Variants in AQR observed in about 807,000 individuals in gnomAD.
The protein encoded by AQR is RNA helicase aquarius.
In AQR, 61 loss-of-function variants were observed where a neutral mutation model predicts 180.5. The ratio of observed to expected loss-of-function variants is 0.34; its 90% confidence interval spans 0.28 to 0.42. The LOEUF (loss-of-function observed/expected upper bound fraction) is 0.42, where lower values mean the gene tolerates loss of function less well. Among genes scored for constraint, AQR ranks in the 10% least tolerant of loss-of-function variants. The pLI is 1.00. For missense variants in AQR, 1,281 were observed against 1,798.3 expected, an observed-to-expected ratio of 0.71 and a Z score of 5.20; for synonymous variants, 551 against 588.8, an observed-to-expected ratio of 0.94 and a Z score of 0.93.
chr15:34,893,592 T>G, intron 23 of AQR, 71 bp downstream of exon 23: 2 of 1,310,118 alleles, frequency 1.5e-6, no homozygotes, highest in East Asian at 4.8e-5. Flanking sequence ...CATACCCATG[T>G]GCATGCGCAT....
chr15:34,887,755 T>A (rs1893084259), intron 24 of AQR, among the ~76,000 whole-genome samples: 1 of 152,218 alleles, frequency 6.6e-6, no homozygotes, highest in Admixed American at 6.5e-5. Flanking sequence ...CCTAGCTGTC[T>A]GTAGTTCAGA....
intron 9 of AQR, among the ~76,000 whole-genome samples, chr15:34,937,392 G>A (rs1418669053): frequency 6.6e-6 from 1 of 152,100 alleles, no homozygotes; most frequent in East Asian, 1.9e-4. Flanking sequence ...CTGATTTACT[G>A]CATTGGTATC....
rs918268987 is a variant in AQR at position 34,882,563 on chromosome 15, A to G, written c.3104T>C (p.Ile1035Thr). 2 of 1,613,316 alleles carry G rather than the reference A, an allele frequency of 1.2e-6. No individual in the cohort carries two copies. Among genetic ancestry groups the G allele is most frequent in the Non-Finnish European group, 1.7e-6 (2 of 1,179,666 alleles). The change falls in exon 27 of 35, where the codon ATT (isoleucine) becomes ACT (threonine). Residue 1035 changes from isoleucine (I) to threonine (T), a missense_variant. Ile to Thr is a moderately conservative substitution (Grantham distance 89). Coordinates refer to ENST00000156471, the MANE Select transcript of AQR (RefSeq NM_014691.3). ...KYLLVKEAKI[I>T]AMTCTHAALK... ...GGCAGCATGAGTACAGGTCATAGCA[A>G]TAATTTTGGCTTCTTTCACTAAAAG...
Position 34,852,002 on chromosome 15 carries a change from C to T in AQR, c.*4790G>A, listed in dbSNP as rs754703307. 5.3e-5 allele frequency: 8 copies of T among 152,078 alleles called. No homozygotes were observed. The highest frequency in any genetic ancestry group is 1.2e-4 in the African/African-American group (5 of 41,400). The allele number at this position is 152,078 out of a possible 1,614,324, so 9.4% of individuals were successfully genotyped here. A position where few individuals can be genotyped will look rare whatever the true frequency, so the allele number is the denominator to read the frequency against. On this transcript the variant is annotated 3_prime_UTR_variant, in exon 35 of 35. Transcript: ENST00000156471. ...ACATGACACTCAATAAATTACACTA[C>T]GACATTTTGTACAAATCACTTCACT...
rs200570664 is a variant in AQR at position 34,943,109 on chromosome 15, T to C, written c.472-1029A>G. Reference sequence around the variant, plus strand: ...TTAACGTCCCTAAAACCCGCCGGACTTTCTGTAAGAAGTGTGGCAAGCACC... The same window carrying C: ...TTAACGTCCCTAAAACCCGCCGGACCTTCTGTAAGAAGTGTGGCAAGCACC... On this transcript the variant is annotated intron_variant, in intron 6 of 34. Transcript: ENST00000156471. 7.0e-4 allele frequency: 1,135 copies of C among 1,611,866 alleles called. 1 individual carries two copies. The highest frequency in any genetic ancestry group is 8.8e-4 in the Non-Finnish European group (1,043 of 1,180,020).
At chr15:34,942,176 G>T in intron 6 of AQR, 96 bp from the exon 7 acceptor site, 1 of 719,176 alleles carries the variant, frequency 1.4e-6, no homozygotes, top group Non-Finnish European at 2.1e-6. Flanking sequence ...AGTCCTGGAG[G>T]GAAAACATGC....
chr15:34,912,429 T>C (rs1893514880), intron 16 of AQR, among the ~76,000 whole-genome samples: 1 of 152,128 alleles, frequency 6.6e-6, no homozygotes, highest in Non-Finnish European at 1.5e-5. Flanking sequence ...TTTTATTTTA[T>C]ATTGTTATCC....
At chr15:34,931,874 G>A (rs543676579) in intron 11 of AQR, among the ~76,000 whole-genome samples, 7 of 152,142 alleles carry the variant, frequency 4.6e-5, no homozygotes, top group Non-Finnish European at 1.0e-4. Flanking sequence ...AACAGGAAAT[G>A]TAAAATACTG....
At chr15:34,874,362 C>CTTTATTT (rs1276249194) in intron 29 of AQR, 3 of 338,450 alleles carry the variant, frequency 8.9e-6, no homozygotes, top group African/African-American at 6.5e-5. Flanking sequence ...CTCTTGTTCA[C>CTTTATTT]TTTATTTTTA....
intron 9 of AQR, 145 bp from the exon 10 acceptor site, chr15:34,934,780 T>A (rs1377472794): frequency 6.3e-6 from 3 of 478,142 alleles, no homozygotes; most frequent in Non-Finnish European, 1.1e-5. Flanking sequence ...AGAATGAGGA[T>A]CTCACATATA....
At chr15:34,939,500 A>C (rs1318848849) in intron 8 of AQR, among the ~76,000 whole-genome samples, 1 of 152,250 alleles carries the variant, frequency 6.6e-6, no homozygotes, top group Non-Finnish European at 1.5e-5. Flanking sequence ...AATGAGATGA[A>C]CAATATTATA....
chr15:34,944,575 G>T, intron 5 of AQR, 147 bp from the exon 6 acceptor site: 1 of 757,516 alleles, frequency 1.3e-6, no homozygotes, highest in South Asian at 3.0e-5. Flanking sequence ...AGCATCACGT[G>T]CTTACTTATA....
intron 3 of AQR, among the ~76,000 whole-genome samples, chr15:34,960,388 T>C (rs1165754457): frequency 6.6e-6 from 1 of 152,230 alleles, no homozygotes; most frequent in Non-Finnish European, 1.5e-5. Context: ...CTTCTGTGTT[T>C]ATTATTATAC....
Position 34,854,240 on chromosome 15 carries a change from T to C in AQR, c.*2552A>G, listed in dbSNP as rs1469659356. The C allele has an allele frequency of 6.6e-6, 1 of 152,066 alleles. No homozygotes were observed. The highest frequency in any genetic ancestry group is 1.9e-4 in the East Asian group (1 of 5,194). The allele number at this position is 152,066 out of a possible 1,614,324, so 9.4% of individuals were successfully genotyped here. A position where few individuals can be genotyped will look rare whatever the true frequency, so the allele number is the denominator to read the frequency against. Reference sequence around the variant, plus strand: ...TCATTCTTTTGGGCATGGCTCTTTTTGGTTTTCTTTACAAAGAGATTCTAA... The same window carrying C: ...TCATTCTTTTGGGCATGGCTCTTTTCGGTTTTCTTTACAAAGAGATTCTAA... On this transcript the variant is annotated 3_prime_UTR_variant, in exon 35 of 35. Transcript: ENST00000156471.
chr15:34,932,334 C>T lies in AQR; in HGVS notation c.884G>A (p.Gly295Asp). Residue 295 changes from glycine to aspartate, a missense_variant, in exon 11 of 35, where the codon GGC becomes GAC. Gly to Asp is a moderately conservative substitution (Grantham distance 94, BLOSUM62 -1). Transcript: ENST00000156471. ...LSNLVRREED[G>D]HLFSQLLDML... is the part of the protein sequence containing the mutation. The stretch of plus-strand genomic sequence containing the variant: ...AATATTCACCTGGGAAAAAAGATGG[C>T]CATCCTCTTCTCTACGAACAAGATT... 6.2e-7 allele frequency: 1 copy of T among 1,611,666 alleles called. No homozygotes were observed. The highest frequency in any genetic ancestry group is 1.1e-5 in the South Asian group (1 of 91,026).
At chr15:34,915,616 A>G (rs1893570491) in intron 15 of AQR, among the ~76,000 whole-genome samples, 1 of 152,076 alleles carries the variant, frequency 6.6e-6, no homozygotes, top group South Asian at 2.1e-4. Context: ...TTTCACACAG[A>G]TGTTAAAACC....
chr15:34,922,710 C>T lies in AQR; in HGVS notation c.1119-2276G>A, dbSNP rs187916890. 5.3e-5 allele frequency among the ~76,000 whole-genome samples: 8 copies of T among 151,996 alleles called. No individual in the cohort carries two copies. The South Asian group carries it at 1.0e-3, about 20-fold the overall frequency. On this transcript the variant is annotated intron_variant, in intron 13 of 34. Transcript: ENST00000156471. ...CTGGGATTACAAGCATGTGCCACCACGCCTGGCTAATTGTTTTGATTTTTA... is the reference window on the plus strand; with the variant it reads ...CTGGGATTACAAGCATGTGCCACCATGCCTGGCTAATTGTTTTGATTTTTA...
At chr15:34,946,706 G>T (rs1333311420) in intron 5 of AQR, among the ~76,000 whole-genome samples, 1 of 131,904 alleles carries the variant, frequency 7.6e-6, no homozygotes, top group African/African-American at 2.9e-5. Context: ...GGAGGGAGGT[G>T]GGGGGGTCAG....
intron 16 of AQR, among the ~76,000 whole-genome samples, chr15:34,910,968 CCCTT>C (rs1226315262): frequency 6.6e-6 from 1 of 152,174 alleles, no homozygotes; most frequent in African/African-American, 2.4e-5. Flanking sequence ...CTGATAACTG[CCCTT>C]CTACTGCTTC....
Sources: allele counts gnomAD v4.1 joint callset (sites outside exome capture counted in the v4.1 genomes callset), GRCh38; gene constraint gnomAD v4.1.1; transcripts MANE v1.5; gene names NCBI Gene and HGNC (gene_info 2026-07-23, HGNC 2026-07-21).